B3GALT1: variants seen among roughly 807,000 people sequenced by gnomAD.
The protein encoded by B3GALT1 is UDP-Gal:betaGlcNAc beta 1,3-galactosyltransferase, polypeptide 1.
In B3GALT1, 10 loss-of-function variants were observed where a neutral mutation model predicts 23.2. The ratio of observed to expected loss-of-function variants is 0.43; its 90% CI spans 0.27 to 0.73. B3GALT1 has a LOEUF of 0.73. Ranked by LOEUF, B3GALT1 falls within the 30% of genes least tolerant of loss-of-function variation. The pLI, the probability that B3GALT1 is intolerant of heterozygous loss-of-function variation, is 0.21. For missense variants in B3GALT1, 299 were observed against 405.4 expected (o/e 0.74, Z 2.25); for synonymous variants, 156 against 141.5 (o/e 1.10, Z -0.73).
intron 2 of B3GALT1, among the ~76,000 whole-genome samples, chr2:167,506,875 CA>C (rs1388021575): frequency 6.6e-6 from 1 of 152,104 alleles, no homozygotes; most frequent in African/African-American, 2.4e-5. Context: ...CATCAAATTT[CA>C]TTGACTGGAA....
At chr2:167,488,798 C>T (rs1699661440) in intron 1 of B3GALT1, among the ~76,000 whole-genome samples, 1 of 152,012 alleles carries the variant, frequency 6.6e-6, no homozygotes, top group Admixed American at 6.6e-5. Flanking sequence ...CTTATTTTTG[C>T]CTTTTCTAGA....
chr2:167,715,692 G>A (rs1292888137), intron 3 of B3GALT1: 24 of 1,613,272 alleles, frequency 1.5e-5, no homozygotes, highest in East Asian at 1.1e-4. Flanking sequence ...TCCAAACTTC[G>A]TGCTTCTGCT....
At chr2:167,791,089 A>G (rs1489771803) in intron 3 of B3GALT1, among the ~76,000 whole-genome samples, 3 of 152,206 alleles carry the variant, frequency 2.0e-5, no homozygotes, top group African/African-American at 4.8e-5. Flanking sequence ...AGCGCTTCCT[A>G]TGTGCCAGGC....
intron 1 of B3GALT1, among the ~76,000 whole-genome samples, chr2:167,471,652 C>G (rs1699419448): frequency 6.6e-6 from 1 of 152,044 alleles, no homozygotes; most frequent in East Asian, 1.9e-4. Context: ...TAAGATTATT[C>G]AACAGTATAA....
intron 4 of B3GALT1, among the ~76,000 whole-genome samples, chr2:167,842,168 C>G (rs1574296240): frequency 6.6e-6 from 1 of 152,108 alleles, no homozygotes; most frequent in Non-Finnish European, 1.5e-5. Context: ...ATGGTCAAAA[C>G]AAAGCAAAAT....
intron 4 of B3GALT1, among the ~76,000 whole-genome samples, chr2:167,835,307 G>A (rs1689437430): frequency 6.6e-6 from 1 of 152,182 alleles, no homozygotes; most frequent in Non-Finnish European, 1.5e-5. Context: ...ATGGCACCTG[G>A]AAAATTGGGT....
chr2:167,700,167 T>A, intron 3 of B3GALT1, among the ~76,000 whole-genome samples: 1 of 152,158 alleles, frequency 6.6e-6, no homozygotes, highest in Admixed American at 6.5e-5. Flanking sequence ...GCAGGATCCT[T>A]TGAGCCTAAG....
chr2:167,868,917 AC>A lies in B3GALT1; in HGVS notation c.-121del, dbSNP rs1476540740. The A allele has an allele frequency of 8.3e-7, 1 of 1,199,068 alleles. No homozygotes were observed. Among genetic ancestry groups the A allele is most frequent in the African/African-American group, 1.5e-5 (1 of 65,500 alleles). The allele number at this position is 1,199,068 out of a possible 1,614,324, so 74.3% of individuals were successfully genotyped here. A position where few individuals can be genotyped will look rare whatever the true frequency, so the allele number is the denominator to read the frequency against. The stretch of plus-strand genomic sequence containing the variant: ...CCACTGAGGCCCATGGACAATCTCC[AC>A]CTCACGCTTCTCTATCAAACTTGAA... On this transcript the variant is annotated 5_prime_UTR_variant, in exon 5 of 5. The change abolishes the stop of an existing upstream ORF in the 5' untranslated region. Coordinates refer to ENST00000392690, the MANE Select transcript of B3GALT1 (RefSeq NM_020981.4).
At chr2:167,716,893 C>A (rs1264506217) in intron 3 of B3GALT1, among the ~76,000 whole-genome samples, 1 of 152,088 alleles carries the variant, frequency 6.6e-6, no homozygotes, top group African/African-American at 2.4e-5. Flanking sequence ...TACATTATCA[C>A]AGTCAATTGG....
chr2:167,734,039 A>G (rs1362623290), intron 3 of B3GALT1, among the ~76,000 whole-genome samples: 1 of 152,216 alleles, frequency 6.6e-6, no homozygotes, highest in African/African-American at 2.4e-5. Context: ...TGAGTCAGAG[A>G]GAAGATCCCA....
At chr2:167,486,359 A>AAG (rs1338882941) in intron 1 of B3GALT1, among the ~76,000 whole-genome samples, 1 of 143,764 alleles carries the variant, frequency 7.0e-6, no homozygotes, top group Non-Finnish European at 1.5e-5. Flanking sequence ...CTCTGTCTCA[A>AAG]AAAAAAAAAA....
intron 2 of B3GALT1, among the ~76,000 whole-genome samples, chr2:167,617,434 G>A (rs922963691): frequency 7.9e-5 from 12 of 151,958 alleles, no homozygotes; most frequent in African/African-American, 2.9e-4. Flanking sequence ...CTGGAGCTGG[G>A]AGAGAATTCA....
At chr2:167,705,856 C>T (rs1365998553) in intron 3 of B3GALT1, among the ~76,000 whole-genome samples, 1 of 152,208 alleles carries the variant, frequency 6.6e-6, no homozygotes, top group East Asian at 1.9e-4. Context: ...CTTTCTCAGT[C>T]ACACTAGCCA....
intron 1 of B3GALT1, among the ~76,000 whole-genome samples, chr2:167,456,387 T>A (rs1015082757): frequency 6.6e-6 from 1 of 152,108 alleles, no homozygotes. Flanking sequence ...ACCTACAACA[T>A]TGGGGATCAC....
chr2:167,660,212 A>G (rs1686032042), intron 3 of B3GALT1, among the ~76,000 whole-genome samples: 1 of 152,056 alleles, frequency 6.6e-6, no homozygotes, highest in African/African-American at 2.4e-5. Flanking sequence ...GCTCTTTCTA[A>G]CTAAAAAATG....
At chr2:167,834,436 C>G (rs764921885) in intron 4 of B3GALT1, among the ~76,000 whole-genome samples, 1 of 152,134 alleles carries the variant, frequency 6.6e-6, no homozygotes, top group African/African-American at 2.4e-5. Context: ...CTGGCTTGTC[C>G]GTCCTTGAAA....
At chr2:167,298,425 C>T (rs1665776498) in intron 1 of B3GALT1, among the ~76,000 whole-genome samples, 1 of 152,042 alleles carries the variant, frequency 6.6e-6, no homozygotes, top group African/African-American at 2.4e-5. Context: ...TAATATCTGA[C>T]ATACTATTAC....
At chr2:167,800,548 G>A (rs10199894) in intron 3 of B3GALT1, among the ~76,000 whole-genome samples, 31,199 of 152,022 alleles carry the variant, frequency 0.21, 3,731 homozygotes, top group African/African-American at 0.31. Flanking sequence ...AAAGTACTTA[G>A]TACACTAAAA....
intron 1 of B3GALT1, among the ~76,000 whole-genome samples, chr2:167,434,811 A>G (rs987054340): frequency 8.1e-5 from 12 of 148,688 alleles, no homozygotes; most frequent in Non-Finnish European, 4.5e-5. Context: ...TAACTTAGTT[A>G]ACTCGTCATT....
Sources: allele counts gnomAD v4.1 joint callset (sites outside exome capture counted in the v4.1 genomes callset), GRCh38; gene constraint gnomAD v4.1.1; transcripts MANE v1.5; gene names NCBI Gene and HGNC (gene_info 2026-07-23, HGNC 2026-07-21).